The following FGGY variants were observed in gnomAD, a reference collection of about 807,000 sequenced individuals.
FGGY encodes FGGY carbohydrate kinase domain-containing protein.
FGGY carries 72 observed loss-of-function variants against 71.3 expected under a neutral mutation model. The ratio of observed to expected loss-of-function variants is 1.01; its 90% CI spans 0.84 to 1.23. FGGY has a LOEUF of 1.23. FGGY is among the 50% of genes most tolerant of loss of function. The pLI is 0.00. For missense variants in FGGY, 668 were observed against 682.3 expected, an observed-to-expected ratio of 0.98 and a Z score of 0.23; for synonymous variants, 251 against 250.3, an observed-to-expected ratio of 1.00 and a Z score of -0.02.
chr1:59,486,509 TG>T (rs2093662473), intron 6 of FGGY, among the ~76,000 whole-genome samples: 1 of 152,056 alleles, frequency 6.6e-6, no homozygotes, highest in African/African-American at 2.4e-5. Flanking sequence ...TTTGGGGAGG[TG>T]ATGGGAAGTT....
intron 8 of FGGY, among the ~76,000 whole-genome samples, chr1:59,584,475 C>A (rs2096249401): frequency 6.7e-6 from 1 of 149,962 alleles, no homozygotes; most frequent in African/African-American, 2.5e-5. Flanking sequence ...AACAACGCTT[C>A]ATGCTAAAAA....
rs192364579 is a variant in FGGY at position 59,600,139 on chromosome 1, T to C, written c.904-7664T>C. On this transcript the variant is annotated intron_variant, in intron 8 of 15. Coordinates refer to ENST00000303721, the MANE Select transcript of FGGY (RefSeq NM_018291.5). ...TCCAGTTTCATCACCCTTGTAATAA[T>C]CCAAGCAAGAAATGATGAAGGGCTG... 9.3e-3 allele frequency among the ~76,000 whole-genome samples: 1,423 copies of C among 152,204 alleles called. 24 individuals carry two copies. Among genetic ancestry groups the C allele is most frequent in the African/African-American group, 0.033 (1,371 of 41,514 alleles).
chr1:59,409,381 G>A (rs2063239832), intron 5 of FGGY, among the ~76,000 whole-genome samples: 1 of 152,080 alleles, frequency 6.6e-6, no homozygotes, highest in Admixed American at 6.5e-5. Flanking sequence ...AAAGACTGAA[G>A]GGATAACTGC....
intron 5 of FGGY, among the ~76,000 whole-genome samples, chr1:59,379,913 T>TA (rs2059179550): frequency 1.3e-5 from 2 of 152,168 alleles, no homozygotes; most frequent in South Asian, 2.1e-4. Context: ...ACTCGTCATT[T>TA]ACATGAGGTA....
intron 11 of FGGY, among the ~76,000 whole-genome samples, chr1:59,639,901 C>T (rs1469229985): frequency 6.6e-6 from 1 of 152,114 alleles, no homozygotes; most frequent in Non-Finnish European, 1.5e-5. Flanking sequence ...ATCCTGACAT[C>T]CAAGACCTAA....
rs531112199 is a variant in FGGY at position 59,489,088 on chromosome 1, A to C, written c.671-23223A>C. Among the ~76,000 whole-genome samples the C allele has an allele frequency of 4.3e-4, 65 of 152,228 alleles. 1 individual carries two copies. Among genetic ancestry groups the C allele is most frequent in the African/African-American group, 1.5e-3 (64 of 41,550 alleles). On this transcript the variant is annotated intron_variant, in intron 6 of 15. Transcript: ENST00000303721. ...GAATATTTGGAGGTTATTTTTAAAA[A>C]ATAATTTTTTATTTTTAATTGACGT...
At chr1:59,642,461 C>T (rs1558646087) in intron 11 of FGGY, among the ~76,000 whole-genome samples, 1 of 151,592 alleles carries the variant, frequency 6.6e-6, no homozygotes, top group Non-Finnish European at 1.5e-5. Context: ...CCCGTTTCTA[C>T]TAAAAATACA....
intron 6 of FGGY, among the ~76,000 whole-genome samples, chr1:59,475,431 TCCTA>T (rs1404374334): frequency 6.6e-6 from 1 of 152,252 alleles, no homozygotes; most frequent in African/African-American, 2.4e-5. Flanking sequence ...TGGCTAATGT[TCCTA>T]CAGTGCTTTA....
At chr1:59,385,081 CCT>C (rs2059922524) in intron 5 of FGGY, among the ~76,000 whole-genome samples, 2 of 152,058 alleles carry the variant, frequency 1.3e-5, no homozygotes, top group African/African-American at 4.8e-5. Context: ...CGAATTTCAC[CCT>C]GTCTTAAAGC....
intron 3 of FGGY, among the ~76,000 whole-genome samples, chr1:59,340,670 C>T (rs2050483297): frequency 6.6e-6 from 1 of 152,130 alleles, no homozygotes; most frequent in Admixed American, 6.5e-5. Context: ...TTTTTCACAG[C>T]AGATAAGGTT....
At chr1:59,335,083 G>A (rs2049217546) in intron 2 of FGGY, among the ~76,000 whole-genome samples, 1 of 152,010 alleles carries the variant, frequency 6.6e-6, no homozygotes, top group African/African-American at 2.4e-5. Flanking sequence ...ACAGCTTGAT[G>A]TATGATTTAT....
intron 1 of FGGY, among the ~76,000 whole-genome samples, chr1:59,308,493 A>G (rs2043775140): frequency 6.6e-6 from 1 of 152,228 alleles, no homozygotes; most frequent in African/African-American, 2.4e-5. Flanking sequence ...ATGTCATTGC[A>G]GTAAGCAGGT....
chr1:59,447,473 A>G (rs2071555565), intron 5 of FGGY, among the ~76,000 whole-genome samples: 1 of 152,150 alleles, frequency 6.6e-6, no homozygotes, highest in South Asian at 2.1e-4. Flanking sequence ...CTCTACCCTT[A>G]CCTGGACCTT....
chr1:59,483,615 G>A (rs2093570837), intron 6 of FGGY, among the ~76,000 whole-genome samples: 1 of 151,916 alleles, frequency 6.6e-6, no homozygotes. Context: ...TTCTTTATTG[G>A]GACAGGTCAG....
At chr1:59,398,868 G>T (rs2061617998) in intron 5 of FGGY, among the ~76,000 whole-genome samples, 1 of 152,128 alleles carries the variant, frequency 6.6e-6, no homozygotes, top group South Asian at 2.1e-4. Context: ...TCTTCTCAAA[G>T]AACTCAAAAC....
At chr1:59,511,613 A>G (rs920224250) in intron 6 of FGGY, among the ~76,000 whole-genome samples, 1 of 151,820 alleles carries the variant, frequency 6.6e-6, no homozygotes, top group Non-Finnish European at 1.5e-5. Flanking sequence ...AAGCAAGACA[A>G]TCAATTCTTA....
At chr1:59,457,108 T>C (rs755642100) in intron 6 of FGGY, 32 bp downstream of exon 6, 19 of 1,465,640 alleles carry the variant, frequency 1.3e-5, no homozygotes, top group South Asian at 1.1e-5. Context: ...AGAGTGATTA[T>C]GTGCATTGGA....
intron 7 of FGGY, among the ~76,000 whole-genome samples, chr1:59,530,142 G>A (rs1409683645): frequency 6.6e-6 from 1 of 151,974 alleles, no homozygotes; most frequent in Non-Finnish European, 1.5e-5. Context: ...ATTTAAAGTA[G>A]AGCCGTAAAT....
At chr1:59,473,396 G>A (rs79062676) in intron 6 of FGGY, among the ~76,000 whole-genome samples, 1 of 152,096 alleles carries the variant, frequency 6.6e-6, no homozygotes, top group Non-Finnish European at 1.5e-5. Context: ...AACAAACTCC[G>A]GACACGCCAC....
Sources: gnomAD v4.1 joint callset for allele counts (sites outside exome capture counted in the v4.1 genomes callset) on GRCh38, gnomAD v4.1.1 for gene constraint, MANE v1.5 for transcripts, NCBI Gene and HGNC (gene_info 2026-07-23, HGNC 2026-07-21) for gene names.